The following CFAP20DC variants were observed in gnomAD, a reference collection of about 807,000 sequenced individuals.
CFAP20DC encodes protein CFAP20DC.
CFAP20DC carries 84 observed loss-of-function variants against 101.7 expected under a neutral mutation model. The ratio of observed to expected loss-of-function variants is 0.83; its 90% CI spans 0.69 to 0.99. The LOEUF (loss-of-function observed/expected upper bound fraction) is 0.99, where lower values mean the gene tolerates loss of function less well. Ranked by LOEUF, CFAP20DC falls within the 50% of genes least tolerant of loss-of-function variation. The pLI, the probability that CFAP20DC is intolerant of heterozygous loss-of-function variation, is 0.00. For synonymous variants in CFAP20DC, 359 were observed against 351.2 expected, an observed-to-expected ratio of 1.02 and a Z score of -0.25; for missense variants, 1,007 against 970.3, an observed-to-expected ratio of 1.04 and a Z score of -0.50.
intron 4 of CFAP20DC, among the ~76,000 whole-genome samples, chr3:58,946,684 C>A (rs984390274): frequency 1.3e-5 from 2 of 152,090 alleles, no homozygotes; most frequent in African/African-American, 4.8e-5. Flanking sequence ...GGGGTTAGCA[C>A]CCGAGACTCC....
Position 59,007,830 on chromosome 3 carries a change from A to G in CFAP20DC, c.278+31727T>C, listed in dbSNP as rs897498882. Among the ~76,000 whole-genome samples the G allele has an allele frequency of 9.6e-4, 146 of 152,320 alleles. No homozygotes were observed. The highest frequency in any genetic ancestry group is 3.4e-3 in the African/African-American group (143 of 41,576). The stretch of plus-strand genomic sequence containing the variant: ...AGGGGAAGTGGGAGAGCACCCTATC[A>G]AGGAAAAACCCTGTGGGACAAAAAA... On this transcript the variant is annotated intron_variant, in intron 4 of 16. Coordinates refer to ENST00000482387, the MANE Select transcript of CFAP20DC (RefSeq NM_001394063.1). The surrounding 1 kb of genome is among the most constrained non-coding windows in gnomAD (Gnocchi z 4.4).
chr3:58,768,154 A>G (rs1261210840), intron 15 of CFAP20DC, among the ~76,000 whole-genome samples: 1 of 152,132 alleles, frequency 6.6e-6, no homozygotes, highest in African/African-American at 2.4e-5. Context: ...GTGGACACCC[A>G]ACCTAATAAG....
chr3:58,746,379 C>T (rs1216603638), intron 16 of CFAP20DC, among the ~76,000 whole-genome samples: 1 of 152,092 alleles, frequency 6.6e-6, no homozygotes, highest in African/African-American at 2.4e-5. Context: ...GAGTTATATG[C>T]TATATAATTA....
rs1450497699 is a variant in CFAP20DC at position 58,788,045 on chromosome 3, G to T, written c.2237+18350C>A. Among the ~76,000 whole-genome samples the T allele has an allele frequency of 6.6e-6, 1 of 151,798 alleles. No homozygotes were observed. The highest frequency in any genetic ancestry group is 2.4e-5 in the African/African-American group (1 of 41,312). ...GAGAAACACCTAATGTAGATGATGG[G>T]TTGATAGGTGCAGCAAACCACCATG... On this transcript the variant is annotated intron_variant, in intron 15 of 16. Transcript: ENST00000482387. This position sits in a 1 kb window ranked among gnomAD's most constrained non-coding sequence, Gnocchi z 4.2.
rs1366439015 is a variant in CFAP20DC at position 59,014,137 on chromosome 3, G to A, written c.278+25420C>T. Among the ~76,000 whole-genome samples the A allele has an allele frequency of 2.0e-5, 3 of 152,136 alleles. No homozygotes were observed. The East Asian group carries it at 5.8e-4, about 29-fold the overall frequency. On this transcript the variant is annotated intron_variant, in intron 4 of 16. Coordinates refer to ENST00000482387, the MANE Select transcript of CFAP20DC (RefSeq NM_001394063.1). The surrounding 1 kb of genome is among the most constrained non-coding windows in gnomAD (Gnocchi z 4.9). ...AATCTTGCATGACTGACTGCAAGCA[G>A]TGAGTTAGAAGGTTTAGCTCAGCTG... is the stretch of plus-strand genomic sequence containing the variant.
At chr3:58,907,813 T>A (rs2083754367) in intron 6 of CFAP20DC, among the ~76,000 whole-genome samples, 1 of 152,070 alleles carries the variant, frequency 6.6e-6, no homozygotes, top group Non-Finnish European at 1.5e-5. Flanking sequence ...AAAGATAGGG[T>A]GCGTACAAGG....
intron 6 of CFAP20DC, among the ~76,000 whole-genome samples, chr3:58,896,664 T>C (rs1057215654): frequency 6.6e-6 from 1 of 152,194 alleles, no homozygotes; most frequent in Non-Finnish European, 1.5e-5. Context: ...CAGGATCCGG[T>C]TGTTCAATTT....
At chr3:58,740,783 T>A (rs138003195), downstream of CFAP20DC, among the ~76,000 whole-genome samples, 1 of 152,332 alleles carries the variant, frequency 6.6e-6, no homozygotes, top group East Asian at 1.9e-4. This position sits in a 1 kb window ranked among gnomAD's most constrained non-coding sequence, Gnocchi z 4.6. Context: ...ATGTCATATG[T>A]CCCTTATATA....
intron 14 of CFAP20DC, among the ~76,000 whole-genome samples, chr3:58,813,284 A>G (rs1044624806): frequency 1.1e-4 from 16 of 151,956 alleles, no homozygotes; most frequent in African/African-American, 3.9e-4. Flanking sequence ...ACTTGCTTCC[A>G]ATGGAACTTG....
chr3:58,853,993 G>A (rs2078512343), intron 12 of CFAP20DC, among the ~76,000 whole-genome samples: 2 of 151,940 alleles, frequency 1.3e-5, no homozygotes, highest in Admixed American at 1.3e-4. Context: ...AGGGCAATGA[G>A]GCAGGAGAAG....
In CFAP20DC at chr3:59,039,550, A is replaced by C; in HGVS notation, c.278+7T>G. The stretch of plus-strand genomic sequence containing the variant: ...CAAAACATTCAAAGAAGTTCTGTAT[A>C]TCTTACAGCAATTCAGTGGAGAAGT... On this transcript the variant is annotated splice_region_variant and intron_variant, in intron 4 of 16. Coordinates refer to ENST00000482387, the MANE Select transcript of CFAP20DC (RefSeq NM_001394063.1). 1 of 1,490,150 alleles carries C rather than the reference A, an allele frequency of 6.7e-7. No individual in the cohort carries two copies. The highest frequency in any genetic ancestry group is 1.4e-5 in the African/African-American group (1 of 71,928). The allele number at this position is 1,490,150 out of a possible 1,614,324, so 92.3% of individuals were successfully genotyped here.
chr3:59,048,948 C>T (rs1700093711), intron 1 of CFAP20DC, among the ~76,000 whole-genome samples: 1 of 152,140 alleles, frequency 6.6e-6, no homozygotes, highest in Admixed American at 6.5e-5. Flanking sequence ...AGTGTTTCTC[C>T]AAGTGTGATC....
chr3:58,898,907 TG>T (rs1411172402), intron 6 of CFAP20DC, among the ~76,000 whole-genome samples: 58 of 150,480 alleles, frequency 3.9e-4, no homozygotes, highest in African/African-American at 1.4e-3. Context: ...GTTTTCTCTT[TG>T]TTTTTTTTTT....
At chr3:58,784,285 T>TC (rs2072115546) in intron 15 of CFAP20DC, among the ~76,000 whole-genome samples, 1 of 152,126 alleles carries the variant, frequency 6.6e-6, no homozygotes, top group East Asian at 1.9e-4. Flanking sequence ...TGCACAGTAC[T>TC]CCATCATGTA....
chr3:58,914,811 T>C lies in CFAP20DC; in HGVS notation c.394-947A>G, dbSNP rs1332114428. On this transcript the variant is annotated intron_variant, in intron 5 of 16. Transcript: ENST00000482387. This position sits in a 1 kb window ranked among gnomAD's most constrained non-coding sequence, Gnocchi z 4.9. ...AGTAAAAGAGACCGAAATACATTATTTATTAAATACATGAAGAGTATTTTC... is the reference window on the plus strand; with the variant it reads ...AGTAAAAGAGACCGAAATACATTATCTATTAAATACATGAAGAGTATTTTC... 1 of 152,072 alleles carries C rather than the reference T, an allele frequency of 6.6e-6. No homozygotes were observed. Among genetic ancestry groups the C allele is most frequent in the East Asian group, 1.9e-4 (1 of 5,196 alleles). 9.4% of individuals were successfully genotyped at this position (152,072 alleles called of 1,614,324 possible).
chr3:58,833,603 C>T (rs2076542790), intron 13 of CFAP20DC, among the ~76,000 whole-genome samples: 1 of 152,064 alleles, frequency 6.6e-6, no homozygotes, highest in Non-Finnish European at 1.5e-5. Context: ...GAAACTGAAA[C>T]CCTCATACAG....
chr3:58,820,883 A>G (rs1168621429), intron 14 of CFAP20DC, among the ~76,000 whole-genome samples: 1 of 150,092 alleles, frequency 6.7e-6, no homozygotes, highest in Non-Finnish European at 1.5e-5. Flanking sequence ...ACACTACCTG[A>G]CTTCAAACTA....
chr3:58,885,266 T>C (rs1311571475), intron 6 of CFAP20DC, among the ~76,000 whole-genome samples: 1 of 152,122 alleles, frequency 6.6e-6, no homozygotes, highest in Non-Finnish European at 1.5e-5. Context: ...ATTTTCAAAA[T>C]AATAGCTTAT....
intron 15 of CFAP20DC, among the ~76,000 whole-genome samples, chr3:58,787,167 T>C (rs970155659): frequency 2.6e-5 from 4 of 152,042 alleles, no homozygotes; most frequent in African/African-American, 9.7e-5. Flanking sequence ...TTAACAGCTC[T>C]AGCACAGAGT....
Sources: gnomAD v4.1 joint callset for allele counts (sites outside exome capture counted in the v4.1 genomes callset) on GRCh38, gnomAD v4.1.1 for gene constraint, Gnocchi (gnomAD v3.1) non-coding constraint, MANE v1.5 for transcripts, NCBI Gene and HGNC (gene_info 2026-07-23, HGNC 2026-07-21) for gene names.